Variants in NRCAM observed in about 807,000 individuals in gnomAD.
NRCAM encodes neuronal cell adhesion molecule.
Under a neutral mutation model 156.5 loss-of-function variants are expected in NRCAM, and 83 were observed. The ratio of observed to expected loss-of-function variants is 0.53; its 90% CI spans 0.44 to 0.64. The LOEUF (loss-of-function observed/expected upper bound fraction) is 0.64. NRCAM is among the 30% of genes least tolerant of loss of function. The pLI, the probability that NRCAM is intolerant of heterozygous loss-of-function variation, is 0.00. For synonymous variants in NRCAM, 538 were observed against 563.9 expected (o/e 0.95, Z 0.65); for missense variants, 1,417 against 1,597.3 (o/e 0.89, Z 1.92).
intron 2 of NRCAM, among the ~76,000 whole-genome samples, chr7:108,366,680 T>C (rs917865785): frequency 3.9e-5 from 6 of 152,072 alleles, no homozygotes; most frequent in Admixed American, 3.9e-4. Flanking sequence ...AGGCAGTGAG[T>C]GTCCCACAAA....
At position 108,177,701 on chromosome 7, in the gene NRCAM, G is replaced by GTATA. The variant is rs562718153; in HGVS notation, c.2974+285_2974+288dup. Among the ~76,000 whole-genome samples, 23 of 21,424 alleles carry GTATA rather than the reference G, an allele frequency of 1.1e-3. No homozygotes were observed. In the South Asian group the frequency reaches 0.019, roughly 18 times the overall value. 14.1% of individuals were successfully genotyped at this position (21,424 alleles called of 152,430 possible). ...TATATACGTGTATATATATATACAC[G>GTATA]TATATATATATATACGTGTGTATAT... On this transcript the variant is annotated intron_variant, in intron 26 of 32. Coordinates refer to ENST00000379028, the MANE Select transcript of NRCAM (RefSeq NM_001037132.4).
chr7:108,257,681 A>G (rs563618079), intron 3 of NRCAM, among the ~76,000 whole-genome samples: 127 of 152,318 alleles, frequency 8.3e-4, no homozygotes, highest in Middle Eastern at 3.4e-3. Flanking sequence ...TATTTCTATC[A>G]TCATCTGCAA....
chr7:108,317,088 T>C (rs1361318384), intron 2 of NRCAM, among the ~76,000 whole-genome samples: 2 of 152,206 alleles, frequency 1.3e-5, no homozygotes, highest in Non-Finnish European at 2.9e-5. Flanking sequence ...TTGCACAGCA[T>C]GGCCTTTGTC....
At chr7:108,376,385 C>T (rs976105489) in intron 2 of NRCAM, among the ~76,000 whole-genome samples, 2 of 152,140 alleles carry the variant, frequency 1.3e-5, no homozygotes, top group African/African-American at 4.8e-5. Context: ...CACATCTGGT[C>T]CCATAGTCAT....
At chr7:108,439,832 C>CACA (rs1836570890) in intron 1 of NRCAM, among the ~76,000 whole-genome samples, 1 of 70,448 alleles carries the variant, frequency 1.4e-5, no homozygotes, top group Non-Finnish European at 2.6e-5. Flanking sequence ...GACTCCGTCA[C>CACA]AAAAAAAAAA....
intron 1 of NRCAM, among the ~76,000 whole-genome samples, chr7:108,422,375 C>T (rs1360627229): frequency 6.6e-6 from 1 of 152,080 alleles, no homozygotes; most frequent in Admixed American, 6.5e-5. Flanking sequence ...CATTTTCACA[C>T]ATTAAAAAAA....
chr7:108,342,297 G>C (rs1253479457), intron 2 of NRCAM, among the ~76,000 whole-genome samples: 2 of 152,218 alleles, frequency 1.3e-5, no homozygotes, highest in Non-Finnish European at 2.9e-5. Flanking sequence ...GCTCAGAACA[G>C]GCTAAATACT....
intron 1 of NRCAM, among the ~76,000 whole-genome samples, chr7:108,427,884 TTTTA>T (rs1819471434): frequency 6.6e-6 from 1 of 152,234 alleles, no homozygotes; most frequent in Non-Finnish European, 1.5e-5. Flanking sequence ...CCATATCTTA[TTTTA>T]TTTGAGTGAT....
intron 3 of NRCAM, among the ~76,000 whole-genome samples, chr7:108,294,778 A>G (rs2098418615): frequency 6.6e-6 from 1 of 152,146 alleles, no homozygotes; most frequent in South Asian, 2.1e-4. Flanking sequence ...CCCCTTGTCT[A>G]GCTCACCCTT....
chr7:108,411,520 C>T (rs2154414522), intron 1 of NRCAM, among the ~76,000 whole-genome samples: 1 of 152,168 alleles, frequency 6.6e-6, no homozygotes, highest in East Asian at 1.9e-4. Context: ...TATCAGTAGA[C>T]ATGGGCCTAG....
At chr7:108,279,630 T>TGCCCTCCCC (rs1491262872) in intron 3 of NRCAM, among the ~76,000 whole-genome samples, 1 of 26,032 alleles carries the variant, frequency 3.8e-5, no homozygotes, top group Non-Finnish European at 8.1e-5. Flanking sequence ...CCATCCCCCC[T>TGCCCTCCCC]GCCCTCCCCA....
At chr7:108,253,242 G>A (rs2096461828) in intron 3 of NRCAM, among the ~76,000 whole-genome samples, 1 of 152,216 alleles carries the variant, frequency 6.6e-6, no homozygotes, top group African/African-American at 2.4e-5. Context: ...GGAGCAGGCA[G>A]TGAGCTGTAT....
At chr7:108,370,692 G>A (rs2099622804) in intron 2 of NRCAM, among the ~76,000 whole-genome samples, 1 of 151,968 alleles carries the variant, frequency 6.6e-6, no homozygotes, top group Non-Finnish European at 1.5e-5. Flanking sequence ...AAAGTAGACT[G>A]GGTAAACATT....
intron 11 of NRCAM, among the ~76,000 whole-genome samples, chr7:108,214,356 T>C (rs987893417): frequency 6.6e-6 from 1 of 152,238 alleles, no homozygotes; most frequent in African/African-American, 2.4e-5. Context: ...TTTATCCATC[T>C]CTTCTAGATT....
At chr7:108,389,661 T>C (rs1198844482) in intron 2 of NRCAM, among the ~76,000 whole-genome samples, 1 of 152,196 alleles carries the variant, frequency 6.6e-6, no homozygotes, top group East Asian at 1.9e-4. Flanking sequence ...CTTCCAGTTT[T>C]TGTCCATTCA....
At chr7:108,228,444 T>G (rs114897430) in intron 8 of NRCAM, among the ~76,000 whole-genome samples, 1 of 152,220 alleles carries the variant, frequency 6.6e-6, no homozygotes, top group African/African-American at 2.4e-5. Context: ...TTGAAGGGTG[T>G]TGGCAGACCA....
At chr7:108,181,372 A>C (rs2063384353) in intron 24 of NRCAM, among the ~76,000 whole-genome samples, 1 of 152,186 alleles carries the variant, frequency 6.6e-6, no homozygotes, top group Non-Finnish European at 1.5e-5. Context: ...GAACAAAGAT[A>C]ATGGATATTT....
intron 3 of NRCAM, among the ~76,000 whole-genome samples, chr7:108,267,694 A>C (rs1413990100): frequency 6.6e-6 from 1 of 152,238 alleles, no homozygotes; most frequent in African/African-American, 2.4e-5. Context: ...ATAAGTTTAC[A>C]TACAATCCCA....
At chr7:108,161,666 C>T (rs992129598) in intron 30 of NRCAM, among the ~76,000 whole-genome samples, 9 of 152,038 alleles carry the variant, frequency 5.9e-5, no homozygotes, top group Non-Finnish European at 7.4e-5. Flanking sequence ...AACATGACTA[C>T]GCATATCCCA....
Sources: allele counts gnomAD v4.1 joint callset (sites outside exome capture counted in the v4.1 genomes callset), GRCh38; gene constraint gnomAD v4.1.1; transcripts MANE v1.5; gene names NCBI Gene and HGNC (gene_info 2026-07-23, HGNC 2026-07-21).